Variants in AGFG1 observed in about 807,000 individuals in gnomAD.
AGFG1 encodes arf-GAP domain and FG repeat-containing protein 1.
AGFG1 carries 10 observed loss-of-function variants against 60.6 expected under a neutral mutation model. That is an observed-to-expected ratio of 0.16 (90% CI 0.10 to 0.28). The LOEUF (loss-of-function observed/expected upper bound fraction) is 0.28, where lower values mean the gene tolerates loss of function less well. Among genes scored for constraint, AGFG1 ranks in the 10% least tolerant of loss-of-function variants. The pLI is 1.00. For missense variants in AGFG1, 537 were observed against 676.5 expected (o/e 0.79, Z 2.29); for synonymous variants, 247 against 242.9 (o/e 1.02, Z -0.16).
chr2:227,515,934 A>G (rs1691637095), intron 2 of AGFG1, among the ~76,000 whole-genome samples: 1 of 152,152 alleles, frequency 6.6e-6, no homozygotes, highest in Admixed American at 6.6e-5. Flanking sequence ...GGTCATAAGG[A>G]ATTAGAGATT....
chr2:227,486,240 A>AT (rs1184164573), intron 1 of AGFG1, among the ~76,000 whole-genome samples: 1 of 151,792 alleles, frequency 6.6e-6, no homozygotes, highest in Non-Finnish European at 1.5e-5. Flanking sequence ...TTAATTTTTA[A>AT]TTTTTTGTCT....
At chr2:227,517,620 G>C (rs1691692487) in intron 2 of AGFG1, among the ~76,000 whole-genome samples, 1 of 152,142 alleles carries the variant, frequency 6.6e-6, no homozygotes, top group Non-Finnish European at 1.5e-5. Flanking sequence ...AAAGGAGAAG[G>C]GCAAGTCCTT....
intron 10 of AGFG1, among the ~76,000 whole-genome samples, chr2:227,545,277 CAT>C (rs1459211700): frequency 6.6e-5 from 10 of 152,330 alleles, no homozygotes; most frequent in Admixed American, 5.2e-4. Context: ...GTATGCTTCA[CAT>C]AGTTCTTGTG....
At chr2:227,518,633 T>C (rs1159352551) in intron 2 of AGFG1, among the ~76,000 whole-genome samples, 2 of 151,360 alleles carry the variant, frequency 1.3e-5, no homozygotes, top group Admixed American at 6.6e-5. Context: ...AAGCCATTCT[T>C]CTGACTCAGC....
At chr2:227,546,197 C>T (rs982242543) in intron 10 of AGFG1, among the ~76,000 whole-genome samples, 1 of 151,986 alleles carries the variant, frequency 6.6e-6, no homozygotes, top group Non-Finnish European at 1.5e-5. Context: ...TAATGGCGGG[C>T]GCCCCTCCCC....
At chr2:227,494,877 T>A (rs1392962428) in intron 2 of AGFG1, among the ~76,000 whole-genome samples, 1 of 152,232 alleles carries the variant, frequency 6.6e-6, no homozygotes, top group East Asian at 1.9e-4. Context: ...ACACAACTGA[T>A]GGCAATACGA....
chr2:227,508,949 T>C (rs1453871220), intron 2 of AGFG1, among the ~76,000 whole-genome samples: 1 of 152,104 alleles, frequency 6.6e-6, no homozygotes. Flanking sequence ...GGTTATTCAA[T>C]GAATGGAAAA....
rs571592303 is a variant in AGFG1, at chr2:227,502,964, G to T, written c.261+11324G>T. Among the ~76,000 whole-genome samples the T allele has an allele frequency of 3.3e-5, 5 of 152,274 alleles. No homozygotes were observed. In the South Asian group the frequency reaches 1.0e-3, roughly 32 times the overall value. Reference sequence around the variant, plus strand: ...ATGAAATGACCAGGCAGGGCATGGTGGTTCACGTCTGTAATCCTAGCACTT... The same window carrying T: ...ATGAAATGACCAGGCAGGGCATGGTTGTTCACGTCTGTAATCCTAGCACTT... On this transcript the variant is annotated intron_variant, in intron 2 of 12. Transcript: ENST00000310078.
rs1314062338 is a variant in AGFG1, at chr2:227,556,795, T to C, written c.*2300T>C. The stretch of plus-strand genomic sequence containing the variant: ...TTCAAGAAGAGACCCAAGCTGGGTA[T>C]GGTGGTGTGAGAGCCTGTGAGTCCT... On this transcript the variant is annotated 3_prime_UTR_variant, in exon 13 of 13. Coordinates refer to ENST00000310078, the MANE Select transcript of AGFG1 (RefSeq NM_004504.5). The C allele has an allele frequency of 6.6e-6, 1 of 152,150 alleles. No individual in the cohort carries two copies. Among genetic ancestry groups the C allele is most frequent in the Non-Finnish European group, 1.5e-5 (1 of 68,034 alleles). 9.4% of individuals were successfully genotyped at this position (152,150 alleles called of 1,614,324 possible).
intron 8 of AGFG1, among the ~76,000 whole-genome samples, chr2:227,535,998 G>A (rs1692297880): frequency 6.6e-6 from 1 of 152,042 alleles, no homozygotes; most frequent in Admixed American, 6.6e-5. Flanking sequence ...GAAAACAATG[G>A]CAAGTAAAAC....
chr2:227,503,120 C>CT (rs1359658297), intron 2 of AGFG1, among the ~76,000 whole-genome samples: 1 of 151,742 alleles, frequency 6.6e-6, no homozygotes, highest in Admixed American at 6.6e-5. Context: ...GTATTCCCAG[C>CT]TAGTTGGGAG....
At chr2:227,484,688 G>GT (rs745570416) in intron 1 of AGFG1, among the ~76,000 whole-genome samples, 2 of 25,122 alleles carry the variant, frequency 8.0e-5, no homozygotes, top group African/African-American at 2.2e-4. Context: ...TTTTTTTTTT[G>GT]TTTTTTTTTT....
At position 227,491,027 on chromosome 2, in the gene AGFG1, A is replaced by G. The variant is rs151049963; in HGVS notation, c.168-520A>G. Among the ~76,000 whole-genome samples, 40 of 152,280 alleles carry G rather than the reference A, an allele frequency of 2.6e-4. No homozygotes were observed. The East Asian group carries it at 6.9e-3, about 26-fold the overall frequency. ...AATTCTTACTTGAATTGATGGCAAGATAGGACTTTACTAATTGGTTTATTA... is the reference window on the plus strand; with the variant it reads ...AATTCTTACTTGAATTGATGGCAAGGTAGGACTTTACTAATTGGTTTATTA... On this transcript the variant is annotated intron_variant, in intron 1 of 12. Coordinates refer to ENST00000310078, the MANE Select transcript of AGFG1 (RefSeq NM_004504.5).
intron 2 of AGFG1, among the ~76,000 whole-genome samples, chr2:227,496,110 CAAA>C (rs748201686): frequency 2.7e-5 from 1 of 37,296 alleles, no homozygotes. Context: ...GAGACTGTCT[CAAA>C]AAAAAAAAAA....
At chr2:227,484,492 T>A (rs1300607257) in intron 1 of AGFG1, among the ~76,000 whole-genome samples, 2 of 152,118 alleles carry the variant, frequency 1.3e-5, no homozygotes, top group Admixed American at 6.5e-5. Context: ...TTAAGTGTTA[T>A]TGTTGGTAAA....
intron 5 of AGFG1, among the ~76,000 whole-genome samples, chr2:227,528,120 CA>C (rs1692051096): frequency 6.6e-6 from 1 of 152,090 alleles, no homozygotes; most frequent in Admixed American, 6.5e-5. Flanking sequence ...AACTTCTCTC[CA>C]GCCACATTTC....
intron 1 of AGFG1, among the ~76,000 whole-genome samples, chr2:227,481,161 C>T (rs1490984358): frequency 9.0e-6 from 1 of 111,488 alleles, no homozygotes; most frequent in Non-Finnish European, 1.7e-5. Context: ...ATAGTGCAGA[C>T]ATATTTTCTC....
At chr2:227,489,303 T>TCA (rs908821134) in intron 1 of AGFG1, among the ~76,000 whole-genome samples, 8 of 132,536 alleles carry the variant, frequency 6.0e-5, no homozygotes, top group Non-Finnish European at 1.1e-4. Flanking sequence ...CAATCTCAGC[T>TCA]CACTGCAACT....
intron 2 of AGFG1, among the ~76,000 whole-genome samples, chr2:227,514,192 A>C: frequency 6.6e-6 from 1 of 152,276 alleles, no homozygotes; most frequent in East Asian, 1.9e-4. Flanking sequence ...GACCAGGCCC[A>C]AAAGTAATAT....
Sources: allele counts gnomAD v4.1 joint callset (sites outside exome capture counted in the v4.1 genomes callset), GRCh38; gene constraint gnomAD v4.1.1; transcripts MANE v1.5; gene names NCBI Gene and HGNC (gene_info 2026-07-23, HGNC 2026-07-21).